LCP1: variants seen among roughly 807,000 people sequenced by gnomAD.
LCP1 encodes lymphocyte cytosolic protein 1.
In LCP1, 23 loss-of-function variants were observed where a neutral mutation model predicts 72.0. The ratio of observed to expected loss-of-function variants is 0.32; its 90% confidence interval spans 0.23 to 0.45. LCP1 has a LOEUF of 0.45. Ranked by LOEUF, LCP1 falls within the 20% of genes least tolerant of loss-of-function variation. The pLI is 1.00. For synonymous variants in LCP1, 245 were observed against 275.4 expected, an observed-to-expected ratio of 0.89 and a Z score of 1.09; for missense variants, 571 against 748.3, an observed-to-expected ratio of 0.76 and a Z score of 2.76.
At chr13:46,161,132 C>T (rs190083968) in intron 1 of LCP1, among the ~76,000 whole-genome samples, 4 of 152,164 alleles carry the variant, frequency 2.6e-5, no homozygotes, top group Admixed American at 6.5e-5. Context: ...ACCAAGCAAC[C>T]CTTTGTTGAC....
intron 4 of LCP1, among the ~76,000 whole-genome samples, chr13:46,157,817 G>A (rs147468662): frequency 0.011 from 1,621 of 147,674 alleles, 25 homozygotes; most frequent in East Asian, 0.079. Context: ...TGCAATCTCG[G>A]CTCACTGCAA....
intron 8 of LCP1, among the ~76,000 whole-genome samples, chr13:46,149,413 T>C (rs1760485215): frequency 6.6e-6 from 1 of 152,188 alleles, no homozygotes; most frequent in African/African-American, 2.4e-5. Flanking sequence ...TTGAAGTCAG[T>C]GAAAGTCACA....
intron 7 of LCP1, 105 bp from the exon 8 acceptor site, chr13:46,151,183 G>A (rs970829637): frequency 8.9e-6 from 10 of 1,118,284 alleles, no homozygotes; most frequent in East Asian, 5.0e-5. Context: ...AGATAACAAC[G>A]TTACCTCTTT....
rs1227878301 is a variant in LCP1 at position 46,146,895 on chromosome 13, C to T, written c.1174+13G>A. On this transcript the variant is annotated intron_variant, in intron 10 of 15. Coordinates refer to ENST00000323076, the MANE Select transcript of LCP1 (RefSeq NM_002298.5). ...GTGCCTTTCCCCATCTTAGGCAAAT[C>T]GTTTACAGTTACCTTCAAGAGCCCC... 1.4e-5 allele frequency: 22 copies of T among 1,613,542 alleles called. No homozygotes were observed. The highest frequency in any genetic ancestry group is 2.7e-5 in the African/African-American group (2 of 74,858).
intron 13 of LCP1, among the ~76,000 whole-genome samples, chr13:46,137,702 G>A (rs1479497057): frequency 6.6e-6 from 1 of 152,174 alleles, no homozygotes; most frequent in Non-Finnish European, 1.5e-5. Flanking sequence ...GCTTTGGGAC[G>A]ATTGTGCTAT....
At chr13:46,134,616 A>G (rs2045653074) in intron 13 of LCP1, among the ~76,000 whole-genome samples, 1 of 152,246 alleles carries the variant, frequency 6.6e-6, no homozygotes, top group Non-Finnish European at 1.5e-5. Flanking sequence ...ATGTTGGAAA[A>G]GTCTGAGTAG....
At chr13:46,143,982 C>T (rs1325870056) in intron 11 of LCP1, among the ~76,000 whole-genome samples, 3 of 151,944 alleles carry the variant, frequency 2.0e-5, no homozygotes, top group African/African-American at 7.3e-5. Flanking sequence ...AGGAGAATGG[C>T]GTGAACCCGG....
chr13:46,181,197 G>A (rs538334740), intron 1 of LCP1, among the ~76,000 whole-genome samples: 12 of 152,190 alleles, frequency 7.9e-5, no homozygotes, highest in Admixed American at 4.6e-4. Context: ...TAAACATCCT[G>A]ATTAATGTTC....
intron 1 of LCP1, among the ~76,000 whole-genome samples, chr13:46,165,776 T>C (rs1248791420): frequency 2.0e-5 from 3 of 152,060 alleles, no homozygotes; most frequent in Non-Finnish European, 2.9e-5. Flanking sequence ...ACTGCCCAAA[T>C]CAAAAATCTA....
intron 11 of LCP1, among the ~76,000 whole-genome samples, chr13:46,143,856 A>G (rs1222840355): frequency 6.6e-6 from 1 of 152,156 alleles, no homozygotes; most frequent in African/African-American, 2.4e-5. Context: ...CATGAGGTCA[A>G]GAGATCAAGA....
At chr13:46,138,929 A>G (rs1036154396) in intron 13 of LCP1, among the ~76,000 whole-genome samples, 2 of 152,154 alleles carry the variant, frequency 1.3e-5, no homozygotes, top group African/African-American at 4.8e-5. Context: ...TTACAGTATG[A>G]GCCACCGCAC....
intron 13 of LCP1, among the ~76,000 whole-genome samples, chr13:46,138,819 G>T (rs1028529506): frequency 6.6e-6 from 1 of 152,026 alleles, no homozygotes; most frequent in Non-Finnish European, 1.5e-5. Flanking sequence ...GCTAATTTTT[G>T]TATTTTTAGT....
intron 13 of LCP1, among the ~76,000 whole-genome samples, chr13:46,138,289 A>G (rs1330497481): frequency 2.0e-5 from 3 of 152,258 alleles, no homozygotes; most frequent in Non-Finnish European, 4.4e-5. Context: ...CAATTCAATG[A>G]AATAAATTCC....
chr13:46,181,250 T>C (rs1436388690), intron 1 of LCP1, among the ~76,000 whole-genome samples: 1 of 152,254 alleles, frequency 6.6e-6, no homozygotes, highest in African/African-American at 2.4e-5. Flanking sequence ...CATTTGTCAA[T>C]GGTTCTTAGT....
chr13:46,153,029 C>A, intron 6 of LCP1, 84 bp from the exon 7 acceptor site: 2 of 1,348,866 alleles, frequency 1.5e-6, no homozygotes, highest in Non-Finnish European at 2.0e-6. Context: ...ACAATGTTTT[C>A]CTTCTGCGAA....
At chr13:46,172,697 G>A (rs1358442701) in intron 1 of LCP1, among the ~76,000 whole-genome samples, 1 of 152,114 alleles carries the variant, frequency 6.6e-6, no homozygotes. Flanking sequence ...CGGTGATGCA[G>A]GCTATACTCC....
At position 46,134,222 on chromosome 13, in the gene LCP1, C is replaced by G; in HGVS notation, c.1531G>C (p.Gly511Arg). ...RYTLNILEEI[G>R]GGQKVNDDII... ...TCATCATTGACCTTCTGGCCACCAC[C>G]AATTTCTTCGAGGATATTCAGTGTA... is the stretch of plus-strand genomic sequence containing the variant. Residue 511 changes from glycine (G) to arginine (R), a missense_variant, in exon 14 of 16, where the codon GGT (glycine) becomes CGT (arginine). Transcript: ENST00000323076. 1 of 1,613,504 alleles carries G rather than the reference C, an allele frequency of 6.2e-7. No homozygotes were observed. The highest frequency in any genetic ancestry group is 8.5e-7 in the Non-Finnish European group (1 of 1,179,574).
At chr13:46,167,627 G>C (rs1292121869) in intron 1 of LCP1, among the ~76,000 whole-genome samples, 1 of 152,156 alleles carries the variant, frequency 6.6e-6, no homozygotes, top group Non-Finnish European at 1.5e-5. Context: ...TTAAGATCCA[G>C]ACTTTCCCCT....
At chr13:46,166,337 A>G (rs1443060130) in intron 1 of LCP1, among the ~76,000 whole-genome samples, 3 of 152,210 alleles carry the variant, frequency 2.0e-5, no homozygotes, top group African/African-American at 7.2e-5. Context: ...CATTTCTGAA[A>G]GATGGTAGTG....
Sources: allele counts gnomAD v4.1 joint callset (sites outside exome capture counted in the v4.1 genomes callset), GRCh38; gene constraint gnomAD v4.1.1; transcripts MANE v1.5; gene names NCBI Gene and HGNC (gene_info 2026-07-23, HGNC 2026-07-21).